GPC5: variants seen among roughly 807,000 people sequenced by gnomAD.
The protein encoded by GPC5 is glypican 5, also known as glypican-5.
GPC5 carries 47 observed loss-of-function variants against 53.9 expected under a neutral mutation model. The ratio of observed to expected loss-of-function variants is 0.87; its 90% CI spans 0.69 to 1.11. The LOEUF is 1.11. Among genes scored for constraint, GPC5 ranks in the 50% most tolerant of loss-of-function variants. The pLI is 0.00. For synonymous variants in GPC5, 286 were observed against 263.3 expected (o/e 1.09, Z -0.84); for missense variants, 748 against 713.1 (o/e 1.05, Z -0.56).
chr13:92,656,308 A>G (rs12875094), intron 7 of GPC5, among the ~76,000 whole-genome samples: 38,007 of 152,138 alleles, frequency 0.25, 5,569 homozygotes, highest in South Asian at 0.39. Flanking sequence ...ATGAAAAGAC[A>G]CAGTGAAAAA....
At chr13:91,553,632 G>A (rs560346901) in intron 2 of GPC5, among the ~76,000 whole-genome samples, 19 of 152,084 alleles carry the variant, frequency 1.2e-4, no homozygotes, top group East Asian at 3.9e-4. Context: ...GTAAGGCATC[G>A]TTTTATATGA....
intron 7 of GPC5, among the ~76,000 whole-genome samples, chr13:92,430,881 G>GT (rs1877054577): frequency 6.6e-6 from 1 of 151,958 alleles, no homozygotes; most frequent in Non-Finnish European, 1.5e-5. Context: ...CTTTACATTT[G>GT]TTTTTTCAAT....
chr13:92,078,541 C>T (rs761497579), intron 6 of GPC5, among the ~76,000 whole-genome samples: 3 of 152,122 alleles, frequency 2.0e-5, no homozygotes, highest in Non-Finnish European at 2.9e-5. Flanking sequence ...GTATTTTCAT[C>T]AATCAAAAAT....
chr13:91,459,219 A>G (rs1881768649), intron 2 of GPC5, among the ~76,000 whole-genome samples: 1 of 152,010 alleles, frequency 6.6e-6, no homozygotes, highest in Non-Finnish European at 1.5e-5. Flanking sequence ...AAATTAAAAA[A>G]AAGAAAAGAA....
chr13:91,832,699 A>G (rs975024143), intron 5 of GPC5, among the ~76,000 whole-genome samples: 2 of 152,122 alleles, frequency 1.3e-5, no homozygotes, highest in Non-Finnish European at 2.9e-5. Flanking sequence ...ACCAATGAGA[A>G]CAAAGACACA....
intron 7 of GPC5, among the ~76,000 whole-genome samples, chr13:92,762,964 T>A (rs1316880467): frequency 1.3e-5 from 2 of 152,070 alleles, no homozygotes; most frequent in Non-Finnish European, 2.9e-5. Context: ...CCTTTTTTTT[T>A]ATGATATCCA....
intron 7 of GPC5, among the ~76,000 whole-genome samples, chr13:92,769,544 C>T (rs1875534230): frequency 6.6e-6 from 1 of 151,942 alleles, no homozygotes; most frequent in Non-Finnish European, 1.5e-5. Context: ...TCGAGACCAA[C>T]CTGGGCAACA....
intron 6 of GPC5, among the ~76,000 whole-genome samples, chr13:91,969,182 T>G (rs2040217362): frequency 6.6e-6 from 1 of 152,000 alleles, no homozygotes; most frequent in South Asian, 2.1e-4. Flanking sequence ...TTGGTCAGGT[T>G]GGTTTTGAAC....
chr13:92,385,487 C>CATACATAT (rs1566567682), intron 7 of GPC5, among the ~76,000 whole-genome samples: 3,492 of 55,100 alleles, frequency 0.063, 162 homozygotes, highest in East Asian at 0.19. Context: ...TACATATATA[C>CATACATAT]ACATATATAC....
intron 7 of GPC5, among the ~76,000 whole-genome samples, chr13:92,707,806 T>C (rs1490411582): frequency 5.3e-5 from 8 of 152,114 alleles, no homozygotes; most frequent in African/African-American, 1.7e-4. Flanking sequence ...AGATCTCATA[T>C]AAGTTGCAAA....
At chr13:92,555,612 TATAAG>T (rs1882467400) in intron 7 of GPC5, among the ~76,000 whole-genome samples, 1 of 150,224 alleles carries the variant, frequency 6.7e-6, no homozygotes, top group Non-Finnish European at 1.5e-5. Context: ...AAATATATAA[TATAAG>T]ATAAAGTAAA....
At chr13:92,390,490 A>C (rs1202454733) in intron 7 of GPC5, among the ~76,000 whole-genome samples, 2 of 152,180 alleles carry the variant, frequency 1.3e-5, no homozygotes, top group Non-Finnish European at 2.9e-5. Flanking sequence ...TCTGCATGAC[A>C]TAATCGGCTG....
chr13:91,476,814 C>T (rs1015533249), intron 2 of GPC5, among the ~76,000 whole-genome samples: 1 of 152,064 alleles, frequency 6.6e-6, no homozygotes, highest in Non-Finnish European at 1.5e-5. Context: ...ATCATATGTA[C>T]AGTATTATCT....
chr13:91,831,514 T>C (rs906960931), intron 5 of GPC5, among the ~76,000 whole-genome samples: 12 of 152,046 alleles, frequency 7.9e-5, no homozygotes, highest in Non-Finnish European at 1.8e-4. Context: ...GCAAAAGTTA[T>C]ATTAGTGTCT....
intron 7 of GPC5, among the ~76,000 whole-genome samples, chr13:92,626,758 TAGG>T (rs1277266892): frequency 1.3e-5 from 2 of 152,166 alleles, no homozygotes; most frequent in Non-Finnish European, 2.9e-5. Context: ...GGAAAGAAGA[TAGG>T]AGTAAAACTC....
chr13:92,678,934 G>A (rs181188878), intron 7 of GPC5, among the ~76,000 whole-genome samples: 147 of 152,192 alleles, frequency 9.7e-4, no homozygotes, highest in Middle Eastern at 6.8e-3. Flanking sequence ...AATTTGACAT[G>A]GGATGTGAGT....
At chr13:91,966,597 T>C (rs896527090) in intron 6 of GPC5, among the ~76,000 whole-genome samples, 1 of 152,238 alleles carries the variant, frequency 6.6e-6, no homozygotes, top group Non-Finnish European at 1.5e-5. Flanking sequence ...GGCATGTTTA[T>C]TCATTGTTTA....
intron 7 of GPC5, among the ~76,000 whole-genome samples, chr13:92,435,720 C>T (rs1877279434): frequency 6.6e-6 from 1 of 152,192 alleles, no homozygotes; most frequent in African/African-American, 2.4e-5. Context: ...TACCATTATT[C>T]TGGTCAACCA....
chr13:91,526,759 G>A (rs1886104628), intron 2 of GPC5, among the ~76,000 whole-genome samples: 1 of 152,138 alleles, frequency 6.6e-6, no homozygotes, highest in African/African-American at 2.4e-5. Flanking sequence ...GAAAAGAGAT[G>A]TAATTGACTC....
Sources: gnomAD v4.1 joint callset for allele counts (sites outside exome capture counted in the v4.1 genomes callset) on GRCh38, gnomAD v4.1.1 for gene constraint, MANE v1.5 for transcripts, NCBI Gene and HGNC (gene_info 2026-07-23, HGNC 2026-07-21) for gene names.